The following TIPARP variants were observed in gnomAD, a reference collection of about 807,000 sequenced individuals.
The protein encoded by TIPARP is protein mono-ADP-ribosyltransferase TIPARP.
Under a neutral mutation model 56.5 loss-of-function variants are expected in TIPARP, and 12 were observed. That is an observed-to-expected ratio of 0.21 (90% CI 0.14 to 0.34). TIPARP has a LOEUF of 0.34. Ranked by LOEUF, TIPARP falls within the 10% of genes least tolerant of loss-of-function variation. The probability of loss-of-function intolerance (pLI) is 1.00; values close to 1 mark genes in which losing one functional copy is unlikely to be tolerated. For missense variants in TIPARP, 604 were observed against 781.6 expected (o/e 0.77, Z 2.71); for synonymous variants, 296 against 265.7 (o/e 1.11, Z -1.11).
At chr3:156,685,501 T>G (rs1722408313) in intron 2 of TIPARP, among the ~76,000 whole-genome samples, 1 of 152,236 alleles carries the variant, frequency 6.6e-6, no homozygotes. Context: ...CTAAGTTGTC[T>G]GAGGAAGAGT....
At chr3:156,687,482 G>A (rs1722458922) in intron 2 of TIPARP, among the ~76,000 whole-genome samples, 1 of 152,118 alleles carries the variant, frequency 6.6e-6, no homozygotes, top group Non-Finnish European at 1.5e-5. Flanking sequence ...ATTTTAGTAG[G>A]TTCTTTTCCT....
intron 4 of TIPARP, among the ~76,000 whole-genome samples, chr3:156,702,087 G>T (rs937568463): frequency 8.0e-5 from 12 of 150,124 alleles, no homozygotes; most frequent in African/African-American, 2.7e-4. Flanking sequence ...GGTGGTGGTG[G>T]TGGTGGTGAT....
rs75312680 is a variant in TIPARP, at chr3:156,678,063, G to A, written c.366G>A (p.Pro122=). Residue 122 remains proline (P), a synonymous_variant, in exon 2 of 6, where the codon CCG becomes CCA. Transcript: ENST00000295924. ...GGACAAATGTTGGGGACCAGATACC[G>A]GAAGCCCATCCTTCCACTGAAGCTC... ...PDRTNVGDQI[P]EAHPSTEAPE... 1.1e-5 allele frequency: 18 copies of A among 1,614,054 alleles called. No homozygotes were observed. Among genetic ancestry groups the A allele is most frequent in the South Asian group, 2.2e-5 (2 of 91,076 alleles).
chr3:156,703,396 C>T (rs866160234), intron 4 of TIPARP, 28 bp from the exon 5 acceptor site: 2 of 1,608,390 alleles, frequency 1.2e-6, no homozygotes, highest in African/African-American at 2.7e-5. Flanking sequence ...TAATGTTTTA[C>T]ATTGATGTTT....
intron 4 of TIPARP, among the ~76,000 whole-genome samples, chr3:156,700,295 T>C (rs1722816956): frequency 6.6e-6 from 1 of 151,804 alleles, no homozygotes; most frequent in Admixed American, 6.6e-5. Context: ...TTTTTTTCTT[T>C]GGTGTAGAGA....
intron 4 of TIPARP, 85 bp downstream of exon 4, chr3:156,696,110 A>G: frequency 2.7e-6 from 4 of 1,469,762 alleles, no homozygotes; most frequent in Non-Finnish European, 3.7e-6. Context: ...AATAAATAAG[A>G]GTCTACCTTG....
At chr3:156,690,882 C>T (rs1577038208) in intron 2 of TIPARP, among the ~76,000 whole-genome samples, 1 of 152,134 alleles carries the variant, frequency 6.6e-6, no homozygotes, top group African/African-American at 2.4e-5. Flanking sequence ...ATCTCTAGCA[C>T]TGTCTCTCTT....
intron 2 of TIPARP, among the ~76,000 whole-genome samples, chr3:156,683,719 CT>C (rs1722360505): frequency 6.6e-6 from 1 of 152,178 alleles, no homozygotes; most frequent in Non-Finnish European, 1.5e-5. Flanking sequence ...ATAAGTTCTT[CT>C]GTGTATTTCT....
In TIPARP at chr3:156,704,950, T is replaced by C. The variant is rs746816452; in HGVS notation, c.1793T>C (p.Met598Thr). The C allele has an allele frequency of 3.7e-6, 6 of 1,614,198 alleles. No individual in the cohort carries two copies. The East Asian group carries it at 1.1e-4, about 30-fold the overall frequency. ...AAAGTGCTGACGGGCAGATACACAATGGGCAGTCATGGCATGAGAAGGCCC... is the reference window on the plus strand; with the variant it reads ...AAAGTGCTGACGGGCAGATACACAACGGGCAGTCATGGCATGAGAAGGCCC... Reference protein sequence around the residue: ...LAKVLTGRYTMGSHGMRRPPP... With the variant: ...LAKVLTGRYTTGSHGMRRPPP... Residue 598 changes from methionine (M) to threonine (T), a missense_variant, in exon 6 of 6, where the codon ATG becomes ACG. By Grantham distance (81) the Met-to-Thr change is moderately conservative (BLOSUM62 -1). Coordinates refer to ENST00000295924, the MANE Select transcript of TIPARP (RefSeq NM_015508.5).
At chr3:156,680,820 A>G (rs1394869935) in intron 2 of TIPARP, among the ~76,000 whole-genome samples, 1 of 152,222 alleles carries the variant, frequency 6.6e-6, no homozygotes, top group Non-Finnish European at 1.5e-5. Context: ...TTTCCAAATC[A>G]GTTTTAATGA....
intron 2 of TIPARP, among the ~76,000 whole-genome samples, chr3:156,688,562 A>G (rs1477301556): frequency 6.6e-6 from 1 of 151,838 alleles, no homozygotes; most frequent in African/African-American, 2.4e-5. Flanking sequence ...CAGAATAAAC[A>G]ATAGTTTTGC....
chr3:156,702,078 GTGGTGGTGGTGGTGGTGA>G, intron 4 of TIPARP, among the ~76,000 whole-genome samples: 1 of 149,924 alleles, frequency 6.7e-6, no homozygotes, highest in Non-Finnish European at 1.5e-5. Context: ...GGTGGTTGTG[GTGGTGGTGGTGGTGGTGA>G]TGGTGGTGTC....
At chr3:156,700,819 G>A (rs747019312) in intron 4 of TIPARP, among the ~76,000 whole-genome samples, 10 of 152,238 alleles carry the variant, frequency 6.6e-5, no homozygotes, top group Non-Finnish European at 1.0e-4. Context: ...AGGAGGGAAA[G>A]TAATAAAAGG....
At chr3:156,679,701 G>A (rs1342853659) in intron 2 of TIPARP, among the ~76,000 whole-genome samples, 1 of 152,166 alleles carries the variant, frequency 6.6e-6, no homozygotes, top group East Asian at 1.9e-4. Flanking sequence ...TATTGGAGGG[G>A]AAAATACACT....
chr3:156,688,754 C>T (rs1197841305), intron 2 of TIPARP, among the ~76,000 whole-genome samples: 1 of 152,102 alleles, frequency 6.6e-6, no homozygotes, highest in Non-Finnish European at 1.5e-5. Flanking sequence ...AATATCAAAG[C>T]CAGGTATCAA....
chr3:156,678,477 C>T lies in TIPARP; in HGVS notation c.780C>T (p.His260=). The T allele has an allele frequency of 6.2e-7, 1 of 1,614,152 alleles. No individual in the cohort carries two copies. Reference sequence around the variant, plus strand: ...TTTATGGCAGGGATTGTTTGAAGCACCACACTGTCTTGCCATATCATTGGC... The same window carrying T: ...TTTATGGCAGGGATTGTTTGAAGCATCACACTGTCTTGCCATATCATTGGC... ...TCIYGRDCLK[H]HTVLPYHWQI... Residue 260 remains histidine (H), a synonymous_variant, in exon 2 of 6, where the codon CAC becomes CAT. Coordinates refer to ENST00000295924, the MANE Select transcript of TIPARP (RefSeq NM_015508.5).
intron 4 of TIPARP, among the ~76,000 whole-genome samples, chr3:156,698,736 T>C (rs1722778637): frequency 6.6e-6 from 1 of 152,358 alleles, no homozygotes; most frequent in South Asian, 2.1e-4. Flanking sequence ...ACTTATCAAG[T>C]AGTCATTCTG....
At position 156,703,465 on chromosome 3, in the gene TIPARP, A is replaced by G; in HGVS notation, c.1289A>G (p.Glu430Gly). The change falls in exon 5 of 6, where the codon GAA (glutamate) becomes GGA (glycine). Residue 430 changes from glutamate (E) to glycine (G), a missense_variant. Physicochemically the swap from Glu to Gly is moderately conservative, Grantham distance 98 (BLOSUM62 -2). This residue lies in a region of TIPARP where 252 missense variants were observed against 303.9 expected (regional missense o/e 0.83). Transcript: ENST00000295924. ...GVPTQAPPPL[E>G]ATSSSQIICP... ...CCCACACAAGCTCCTCCACCTCTTG[A>G]AGCAACTTCATCATCACAAATTATC... The G allele has an allele frequency of 6.2e-7, 1 of 1,614,184 alleles. No homozygotes were observed. The highest frequency in any genetic ancestry group is 8.5e-7 in the Non-Finnish European group (1 of 1,180,026).
intron 1 of TIPARP, 21 bp from the exon 2 acceptor site, chr3:156,677,636 T>C (rs1722174761): frequency 6.8e-7 from 1 of 1,462,600 alleles, no homozygotes; most frequent in Non-Finnish European, 9.1e-7. Context: ...TAAATGATCA[T>C]CTTCCTTCCT....
Sources: gnomAD v4.1 joint callset for allele counts (sites outside exome capture counted in the v4.1 genomes callset) on GRCh38, gnomAD v4.1.1 for gene constraint, gnomAD v4.1.1 regional missense constraint, MANE v1.5 for transcripts, NCBI Gene and HGNC (gene_info 2026-07-23, HGNC 2026-07-21) for gene names.